RAB28: variants seen among roughly 807,000 people sequenced by gnomAD.
RAB28 encodes RAB28, member RAS oncogene family.
Under a neutral mutation model 31.7 loss-of-function variants are expected in RAB28, and 24 were observed. The observed-to-expected ratio is 0.76, with a 90% CI of 0.55 to 1.06. The LOEUF is 1.06. Ranked by LOEUF, RAB28 falls within the 50% of genes least tolerant of loss-of-function variation. RAB28 has a pLI of 0.00. For missense variants in RAB28, 254 were observed against 258.5 expected (o/e 0.98, Z 0.12); for synonymous variants, 100 against 90.4 (o/e 1.11, Z -0.60).
chr4:13,435,877 C>T (rs1301808197), intron 4 of RAB28, among the ~76,000 whole-genome samples: 1 of 152,104 alleles, frequency 6.6e-6, no homozygotes, highest in East Asian at 1.9e-4. Flanking sequence ...TCTATGAAAT[C>T]AGTATCGTCC....
intron 4 of RAB28, chr4:13,460,030 GAA>G: frequency 1.6e-6 from 1 of 615,950 alleles, no homozygotes; most frequent in Non-Finnish European, 2.6e-6. Context: ...AACAGTTATT[GAA>G]AAGATTGTAC....
chr4:13,421,996 T>C (rs1713180357), intron 4 of RAB28, among the ~76,000 whole-genome samples: 1 of 151,906 alleles, frequency 6.6e-6, no homozygotes, highest in African/African-American at 2.4e-5. Flanking sequence ...TTTTGCAGTC[T>C]ACCCATTTGA....
chr4:13,438,461 C>G (rs997172223), intron 4 of RAB28, among the ~76,000 whole-genome samples: 1 of 152,122 alleles, frequency 6.6e-6, no homozygotes, highest in Non-Finnish European at 1.5e-5. Context: ...TCAGCCCCAA[C>G]CTACTTTTTC....
At chr4:13,387,432 T>G (rs191109971) in intron 4 of RAB28, among the ~76,000 whole-genome samples, 122 of 152,190 alleles carry the variant, frequency 8.0e-4, no homozygotes, top group Non-Finnish European at 1.3e-3. Flanking sequence ...TAACAAAACT[T>G]GTACCATTGG....
intron 4 of RAB28, among the ~76,000 whole-genome samples, chr4:13,395,273 C>T (rs1299347034): frequency 6.6e-6 from 1 of 151,990 alleles, no homozygotes; most frequent in African/African-American, 2.4e-5. Context: ...TAAAAACCGG[C>T]CCATAAGCAT....
At chr4:13,438,223 C>T (rs575434973) in intron 4 of RAB28, among the ~76,000 whole-genome samples, 1 of 152,192 alleles carries the variant, frequency 6.6e-6, no homozygotes, top group South Asian at 2.1e-4. Flanking sequence ...AGACTATAAA[C>T]CATATTATTT....
chr4:13,388,237 C>T (rs1729467306), intron 4 of RAB28, among the ~76,000 whole-genome samples: 1 of 151,968 alleles, frequency 6.6e-6, no homozygotes, highest in African/African-American at 2.4e-5. Flanking sequence ...AAATGATCTT[C>T]TATAAGGAGG....
chr4:13,478,259 T>C (rs1716455085), intron 2 of RAB28, among the ~76,000 whole-genome samples: 1 of 151,592 alleles, frequency 6.6e-6, no homozygotes, highest in Admixed American at 6.6e-5. Context: ...AAAATACAAA[T>C]GAAACAAAGT....
At chr4:13,459,758 C>A in intron 4 of RAB28, 2 of 1,085,546 alleles carry the variant, frequency 1.8e-6, no homozygotes, top group Non-Finnish European at 1.1e-6. Context: ...GAGCAAGAAA[C>A]AATGCATATA....
intron 4 of RAB28, among the ~76,000 whole-genome samples, chr4:13,425,998 T>C (rs1577202904): frequency 6.6e-6 from 1 of 152,182 alleles, no homozygotes; most frequent in East Asian, 1.9e-4. Flanking sequence ...AAAAAGAAAT[T>C]AAAGGTTAGG....
At chr4:13,414,456 A>C (rs1356562016) in intron 4 of RAB28, among the ~76,000 whole-genome samples, 1 of 152,262 alleles carries the variant, frequency 6.6e-6, no homozygotes, top group Admixed American at 6.5e-5. Context: ...GAACTATAAC[A>C]GGTAGTAAAA....
At chr4:13,450,214 G>T (rs1009281931) in intron 4 of RAB28, among the ~76,000 whole-genome samples, 7 of 151,710 alleles carry the variant, frequency 4.6e-5, no homozygotes, top group African/African-American at 1.5e-4. Flanking sequence ...CAAAAGCTTA[G>T]ATTTCTAACA....
intron 4 of RAB28, among the ~76,000 whole-genome samples, chr4:13,420,332 A>C (rs997515443): frequency 6.6e-6 from 1 of 152,324 alleles, no homozygotes; most frequent in Admixed American, 6.5e-5. Context: ...AGAGGTACAA[A>C]GAGGAGCTGA....
intron 2 of RAB28, among the ~76,000 whole-genome samples, chr4:13,475,875 G>A (rs1288827235): frequency 1.3e-5 from 2 of 151,640 alleles, no homozygotes; most frequent in South Asian, 2.1e-4. Context: ...TGTCTCAAAT[G>A]AAGCAGATGA....
intron 3 of RAB28, among the ~76,000 whole-genome samples, chr4:13,468,611 T>A (rs900777757): frequency 1.3e-5 from 2 of 151,484 alleles, no homozygotes; most frequent in African/African-American, 4.8e-5. Context: ...AATGCATATA[T>A]TAGAAAAGCA....
intron 4 of RAB28, among the ~76,000 whole-genome samples, chr4:13,381,851 TA>T (rs111438857): frequency 0.033 from 4,957 of 148,860 alleles, 118 homozygotes; most frequent in African/African-American, 0.068. Flanking sequence ...ACAGAAGTGC[TA>T]AAAAAAAAAT....
At chr4:13,395,694 T>C (rs1729846715) in intron 4 of RAB28, among the ~76,000 whole-genome samples, 1 of 152,098 alleles carries the variant, frequency 6.6e-6, no homozygotes, top group Admixed American at 6.5e-5. Context: ...AAACTAGACA[T>C]ATCAAATGTA....
In RAB28 at chr4:13,443,441, GGAT is replaced by G. The variant is rs1714524892; in HGVS notation, c.391+17255_391+17257del. Among the ~76,000 whole-genome samples, 8 of 152,224 alleles carry G rather than the reference GGAT, an allele frequency of 5.3e-5. 1 individual carries two copies. In the South Asian group the frequency reaches 1.5e-3, roughly 28 times the overall value. ...CCTGCCTCAGCCTCCCAGAGTGCTG[GGAT>G]TACAGGCGTGAGCCACCGCACCTGG... On this transcript the variant is annotated intron_variant, in intron 4 of 6. Coordinates refer to ENST00000330852, the MANE Select transcript of RAB28 (RefSeq NM_001017979.3).
At chr4:13,385,502 T>C (rs1215902453) in intron 4 of RAB28, among the ~76,000 whole-genome samples, 1 of 152,136 alleles carries the variant, frequency 6.6e-6, no homozygotes, top group African/African-American at 2.4e-5. Context: ...AACAGACCTC[T>C]TACCAGAAAC....
Sources: allele counts gnomAD v4.1 joint callset (sites outside exome capture counted in the v4.1 genomes callset), GRCh38; gene constraint gnomAD v4.1.1; transcripts MANE v1.5; gene names NCBI Gene and HGNC (gene_info 2026-07-23, HGNC 2026-07-21).